Variants in PTPRN2 observed in about 807,000 individuals in gnomAD.
PTPRN2 encodes receptor-type tyrosine-protein phosphatase N2.
In PTPRN2, 74 loss-of-function variants were observed where a neutral mutation model predicts 118.8. The observed-to-expected ratio is 0.62, with a 90% confidence interval of 0.52 to 0.76. The LOEUF (loss-of-function observed/expected upper bound fraction) is 0.76. PTPRN2 is among the 30% of genes least tolerant of loss of function. PTPRN2 has a pLI of 0.00. For synonymous variants in PTPRN2, 641 were observed against 608.0 expected (o/e 1.05, Z -0.80); for missense variants, 1,481 against 1,394.4 (o/e 1.06, Z -0.99).
Position 157,814,839 on chromosome 7 carries a change from C to T in PTPRN2, c.1788+83834G>A, listed in dbSNP as rs936946695. Among the ~76,000 whole-genome samples, 5 of 152,194 alleles carry T rather than the reference C, an allele frequency of 3.3e-5. No individual in the cohort carries two copies. The South Asian group carries it at 6.2e-4, about 19-fold the overall frequency. On this transcript the variant is annotated intron_variant, in intron 12 of 22. Transcript: ENST00000389418. ...GTCACAGAGCAGCTTTGCAGGCAGC[C>T]TGTTTCAGGTGTCCACACTTTGCAG...
intron 2 of PTPRN2, among the ~76,000 whole-genome samples, chr7:158,401,845 T>G (rs1812971241): frequency 6.6e-6 from 1 of 151,844 alleles, no homozygotes. Flanking sequence ...AGGTGCCCAG[T>G]GGAGGGAAGA....
chr7:158,448,505 A>C (rs367651444), intron 2 of PTPRN2, among the ~76,000 whole-genome samples: 3,273 of 143,086 alleles, frequency 0.023, 121 homozygotes, highest in African/African-American at 0.076. Context: ...TGGGGTGGGG[A>C]GGGGGTCCCC....
chr7:158,461,760 G>A (rs1459858739), intron 2 of PTPRN2, among the ~76,000 whole-genome samples: 1 of 152,160 alleles, frequency 6.6e-6, no homozygotes, highest in African/African-American at 2.4e-5. Context: ...TGCTATGCTT[G>A]GTCATATGGG....
In PTPRN2 at chr7:157,657,914, C is replaced by A. The variant is rs546216136; in HGVS notation, c.2002-1363G>T. ...ACACACATCACAGACACACACACACCACACACATCGCAGACACACCACACA... is the reference window on the plus strand; with the variant it reads ...ACACACATCACAGACACACACACACAACACACATCGCAGACACACCACACA... On this transcript the variant is annotated intron_variant, in intron 13 of 22. Coordinates refer to ENST00000389418, the MANE Select transcript of PTPRN2 (RefSeq NM_002847.5). Among the ~76,000 whole-genome samples, 16 of 144,482 alleles carry A rather than the reference C, an allele frequency of 1.1e-4. No individual in the cohort carries two copies. In the South Asian group the frequency reaches 1.6e-3, roughly 14 times the overall value. 94.8% of individuals were successfully genotyped at this position (144,482 alleles called of 152,430 possible). A position where few individuals can be genotyped will look rare whatever the true frequency, so the allele number is the denominator to read the frequency against.
intron 2 of PTPRN2, among the ~76,000 whole-genome samples, chr7:158,466,955 CACTTGA>C (rs1819439362): frequency 6.6e-6 from 1 of 152,214 alleles, no homozygotes; most frequent in African/African-American, 2.4e-5. Context: ...GCAGGAGAAT[CACTTGA>C]ACCCAGGAGG....
intron 14 of PTPRN2, among the ~76,000 whole-genome samples, chr7:157,636,176 G>T (rs1166353249): frequency 6.6e-6 from 1 of 152,130 alleles, no homozygotes; most frequent in Non-Finnish European, 1.5e-5. Flanking sequence ...TAGATTTGAG[G>T]CTTCCATCTC....
chr7:157,566,127 G>A (rs1324210531), intron 21 of PTPRN2, among the ~76,000 whole-genome samples: 1 of 152,232 alleles, frequency 6.6e-6, no homozygotes, highest in East Asian at 1.9e-4. Flanking sequence ...TGCTGTCTGC[G>A]GCCGCAGCTG....
In PTPRN2 at chr7:158,216,016, ATAC is replaced by A. The variant is rs141437164; in HGVS notation, c.278-10746_278-10744del. Reference sequence around the variant, plus strand: ...ATGCTTGACAGTTCAATTAAACACCATACTACTGTCTTATGTCATTTTAAATGC... The same window carrying A: ...ATGCTTGACAGTTCAATTAAACACCATACTGTCTTATGTCATTTTAAATGC... On this transcript the variant is annotated intron_variant, in intron 3 of 22. Transcript: ENST00000389418. 8.9e-3 allele frequency among the ~76,000 whole-genome samples: 1,352 copies of A among 152,256 alleles called. 25 individuals carry two copies. Among genetic ancestry groups the A allele is most frequent in the African/African-American group, 0.031 (1,279 of 41,548 alleles).
chr7:157,548,489 A>G (rs1382054589), intron 22 of PTPRN2, among the ~76,000 whole-genome samples: 1 of 152,186 alleles, frequency 6.6e-6, no homozygotes, highest in East Asian at 1.9e-4. Flanking sequence ...GTTGCTGCAA[A>G]CTGGGCCTCT....
intron 1 of PTPRN2, among the ~76,000 whole-genome samples, chr7:158,550,048 A>G (rs73510571): frequency 0.049 from 7,458 of 152,164 alleles, 593 homozygotes; most frequent in African/African-American, 0.16. Flanking sequence ...GAAGGACCTC[A>G]TGGGGCTTTC....
intron 12 of PTPRN2, chr7:157,855,872 C>T (rs1809675791): frequency 6.6e-6 from 1 of 152,244 alleles, no homozygotes; most frequent in Non-Finnish European, 1.5e-5. Flanking sequence ...GACAGCCACC[C>T]AACTGCACGG....
At chr7:158,434,331 A>G (rs140219591) in intron 2 of PTPRN2, among the ~76,000 whole-genome samples, 6 of 152,296 alleles carry the variant, frequency 3.9e-5, no homozygotes, top group Admixed American at 3.9e-4. Flanking sequence ...TTATCTCAAT[A>G]TTTGCTTTAT....
chr7:158,032,515 C>T (rs1455079977), intron 11 of PTPRN2, among the ~76,000 whole-genome samples: 2 of 152,002 alleles, frequency 1.3e-5, no homozygotes, highest in Middle Eastern at 3.2e-3. Flanking sequence ...AGACAGATGC[C>T]AAGAGACCCA....
chr7:158,379,289 G>A (rs555119259), intron 2 of PTPRN2, among the ~76,000 whole-genome samples: 12 of 152,198 alleles, frequency 7.9e-5, no homozygotes, highest in Non-Finnish European at 1.8e-4. Context: ...TAGGGAATAC[G>A]GTTCTGCTGT....
intron 15 of PTPRN2, among the ~76,000 whole-genome samples, chr7:157,606,804 C>A (rs1219607984): frequency 1.3e-5 from 2 of 152,138 alleles, no homozygotes; most frequent in African/African-American, 4.8e-5. Flanking sequence ...ACAACAAATC[C>A]TAGGGCTTGG....
At chr7:158,411,249 G>A in intron 2 of PTPRN2, among the ~76,000 whole-genome samples, 1 of 152,318 alleles carries the variant, frequency 6.6e-6, no homozygotes, top group Non-Finnish European at 1.5e-5. Flanking sequence ...ACGCTTCCCA[G>A]TGGGTTCATT....
intron 11 of PTPRN2, among the ~76,000 whole-genome samples, chr7:158,048,161 G>C (rs1809021295): frequency 6.6e-6 from 1 of 151,884 alleles, no homozygotes; most frequent in Non-Finnish European, 1.5e-5. Context: ...ACACAGGTCA[G>C]TACCATTCTT....
chr7:157,830,175 T>G (rs976888753), intron 12 of PTPRN2, among the ~76,000 whole-genome samples: 1 of 151,200 alleles, frequency 6.6e-6, no homozygotes, highest in Non-Finnish European at 1.5e-5. Context: ...CTGTGCCTGC[T>G]CACTGGCAGC....
rs1418070575 is a variant in PTPRN2 at position 157,831,369 on chromosome 7, T to C, written c.1788+67304A>G. ...TCCTGTAGTCTAAGCCTTCTCTCGTTGGGGTTTTCTGTTATTTCTTCCCGA... is the reference window on the plus strand; with the variant it reads ...TCCTGTAGTCTAAGCCTTCTCTCGTCGGGGTTTTCTGTTATTTCTTCCCGA... On this transcript the variant is annotated intron_variant, in intron 12 of 22. Transcript: ENST00000389418. This position sits in a 1 kb window ranked among gnomAD's most constrained non-coding sequence, Gnocchi z 4.8. 1.3e-5 allele frequency among the ~76,000 whole-genome samples: 2 copies of C among 152,172 alleles called. No individual in the cohort carries two copies. Among genetic ancestry groups the C allele is most frequent in the African/African-American group, 4.8e-5 (2 of 41,442 alleles).
Sources: allele counts gnomAD v4.1 joint callset (sites outside exome capture counted in the v4.1 genomes callset), GRCh38; gene constraint gnomAD v4.1.1; non-coding constraint Gnocchi (gnomAD v3.1); transcripts MANE v1.5; gene names NCBI Gene and HGNC (gene_info 2026-07-23, HGNC 2026-07-21).